Variants in VCL observed in about 807,000 individuals in gnomAD.
VCL encodes the protein vinculin.
In VCL, 47 loss-of-function variants were observed where a neutral mutation model predicts 125.7. That is an observed-to-expected ratio of 0.37 (90% CI 0.30 to 0.48). VCL has a LOEUF of 0.48. Ranked by LOEUF, VCL falls within the 20% of genes least tolerant of loss-of-function variation. The probability of loss-of-function intolerance (pLI) is 0.99; values close to 1 mark genes in which losing one functional copy is unlikely to be tolerated. For missense variants in VCL, 1,069 were observed against 1,455.5 expected, an observed-to-expected ratio of 0.73 and a Z score of 4.32; for synonymous variants, 458 against 514.6, an observed-to-expected ratio of 0.89 and a Z score of 1.49.
At position 74,119,831 on chromosome 10, in the gene VCL, T is replaced by TTAAAG. The variant is rs886047227; in HGVS notation, c.*1665_*1669dup. The TTAAAG allele has an allele frequency of 6.6e-6, 1 of 152,638 alleles. No individual in the cohort carries two copies. The highest frequency in any genetic ancestry group is 2.4e-5 in the African/African-American group (1 of 41,444). The allele number at this position is 152,638 out of a possible 1,614,324, so 9.5% of individuals were successfully genotyped here. A position where few individuals can be genotyped will look rare whatever the true frequency, so the allele number is the denominator to read the frequency against. The stretch of plus-strand genomic sequence containing the variant: ...TGATATAAATGCAATATTAATGCCT[T>TTAAAG]TAAAGTATGAATCTATGCCAAAGAT... On this transcript the variant is annotated 3_prime_UTR_variant, in exon 22 of 22. Coordinates refer to ENST00000211998, the MANE Select transcript of VCL (RefSeq NM_014000.3).
In VCL at chr10:74,112,097, C is replaced by G; in HGVS notation, c.2934C>G (p.Thr978=). The change falls in exon 19 of 22, where the codon ACC becomes ACG. Residue 978 remains threonine, a synonymous_variant. Transcript: ENST00000211998. ...CTCAGTCCTTGCATCGGGAAGCTAC[C>G]AAGTGGTCTAGTAAGGTACTGATAA... The part of the protein sequence containing the change: ...AAAQSLHREA[T]KWSSKGNDII... The G allele has an allele frequency of 6.2e-7, 1 of 1,614,212 alleles. No homozygotes were observed. Among genetic ancestry groups the G allele is most frequent in the Non-Finnish European group, 8.5e-7 (1 of 1,180,044 alleles).
rs1839931425 is a variant in VCL, at chr10:74,094,264, T to C, written c.1353-7T>C. The C allele has an allele frequency of 1.2e-6, 2 of 1,613,986 alleles. No homozygotes were observed. Among genetic ancestry groups the C allele is most frequent in the South Asian group, 2.2e-5 (2 of 91,072 alleles). The stretch of plus-strand genomic sequence containing the variant: ...GTGTGACAGGATGGCTGTCTTTTTC[T>C]CTGTAGGGGGAAAGGAGATTCTCCA... On this transcript the variant is annotated splice_polypyrimidine_tract_variant and splice_region_variant and intron_variant, in intron 10 of 21. Coordinates refer to ENST00000211998, the MANE Select transcript of VCL (RefSeq NM_014000.3).
chr10:74,050,668 A>G (rs1841282640), intron 2 of VCL, among the ~76,000 whole-genome samples: 1 of 152,110 alleles, frequency 6.6e-6, no homozygotes, highest in South Asian at 2.1e-4. Flanking sequence ...TTAACAATTA[A>G]TTACTTAATC....
In VCL at chr10:74,107,115, A is replaced by G. The variant is rs1361052448; in HGVS notation, c.2435-115A>G. 5.8e-6 allele frequency: 9 copies of G among 1,550,982 alleles called. No homozygotes were observed. In the East Asian group the frequency reaches 2.0e-4, roughly 35 times the overall value. ...CCCTTCTTCAATCACTGCCCGTGATATTTACTGGCAGCTTCACATCCAGCT... is the reference window on the plus strand; with the variant it reads ...CCCTTCTTCAATCACTGCCCGTGATGTTTACTGGCAGCTTCACATCCAGCT... On this transcript the variant is annotated intron_variant, in intron 16 of 21. Transcript: ENST00000211998.
chr10:74,095,416 C>T (rs1032905082), intron 11 of VCL, among the ~76,000 whole-genome samples: 7 of 152,050 alleles, frequency 4.6e-5, no homozygotes, highest in African/African-American at 1.7e-4. Context: ...CATAGTGAGA[C>T]CCTGTCTCTC....
At position 74,114,817 on chromosome 10, in the gene VCL, T is replaced by A; in HGVS notation, c.3176T>A (p.Ile1059Lys). The A allele has an allele frequency of 6.2e-7, 1 of 1,608,216 alleles. No homozygotes were observed. Among genetic ancestry groups the A allele is most frequent in the Non-Finnish European group, 8.5e-7 (1 of 1,178,222 alleles). The change falls in exon 21 of 22, where the codon ATA (isoleucine) becomes AAA (lysine). Residue 1059 changes from isoleucine to lysine, a missense_variant. By Grantham distance (102) the Ile-to-Lys change is moderately radical. Around this residue, in one of 6 missense-constraint regions of VCL, gnomAD observed 91 missense variants for 203.9 expected, o/e 0.45. Transcript: ENST00000211998. The part of the protein sequence containing the change: ...LLQVCERIPT[I>K]STQLKILSTV... ...TAGGTATGTGAGCGAATCCCAACCATAAGCACCCAGCTCAAAATCCTGTCC... is the reference window on the plus strand; with the variant it reads ...TAGGTATGTGAGCGAATCCCAACCAAAAGCACCCAGCTCAAAATCCTGTCC...
At chr10:74,056,471 T>G (rs988590865) in intron 2 of VCL, among the ~76,000 whole-genome samples, 1 of 152,126 alleles carries the variant, frequency 6.6e-6, no homozygotes, top group Non-Finnish European at 1.5e-5. Flanking sequence ...AGAAGTCCAC[T>G]TTGCATTATG....
intron 8 of VCL, among the ~76,000 whole-genome samples, chr10:74,087,581 C>T (rs1335988037): frequency 5.6e-5 from 8 of 142,982 alleles, no homozygotes; most frequent in African/African-American, 1.0e-4. Context: ...AGGATGGTCT[C>T]GATCTCGTGA....
chr10:73,999,553 A>C (rs1170354053), intron 1 of VCL, among the ~76,000 whole-genome samples: 1 of 152,122 alleles, frequency 6.6e-6, no homozygotes, highest in African/African-American at 2.4e-5. Flanking sequence ...TGAGCTGTGT[A>C]AATAGTGTGT....
chr10:74,059,514 C>T (rs1240685230), intron 2 of VCL, among the ~76,000 whole-genome samples: 1 of 151,786 alleles, frequency 6.6e-6, no homozygotes, highest in African/African-American at 2.4e-5. Context: ...AAGCAATTTT[C>T]CTGTCTCAGC....
chr10:74,103,167 C>T (rs867313207), intron 14 of VCL, among the ~76,000 whole-genome samples: 7 of 152,172 alleles, frequency 4.6e-5, no homozygotes, highest in East Asian at 1.9e-4. Flanking sequence ...TGCACCCGGC[C>T]GACTCCTCTG....
At chr10:74,102,373 C>G (rs1312557097) in intron 14 of VCL, among the ~76,000 whole-genome samples, 1 of 151,868 alleles carries the variant, frequency 6.6e-6, no homozygotes, top group African/African-American at 2.4e-5. Context: ...TAAAAGTTTA[C>G]TATGTGATAG....
At chr10:74,038,662 C>T (rs1841032263) in intron 1 of VCL, among the ~76,000 whole-genome samples, 1 of 152,050 alleles carries the variant, frequency 6.6e-6, no homozygotes, top group Admixed American at 6.6e-5. Context: ...TTTAATTATC[C>T]ATTTATCTTT....
At chr10:73,999,958 T>G (rs1350058860) in intron 1 of VCL, among the ~76,000 whole-genome samples, 1 of 152,204 alleles carries the variant, frequency 6.6e-6, no homozygotes, top group African/African-American at 2.4e-5. Flanking sequence ...GGAAACAATG[T>G]AAAGAGACAA....
chr10:74,042,104 TG>T (rs773602863), intron 1 of VCL, among the ~76,000 whole-genome samples: 1 of 152,232 alleles, frequency 6.6e-6, no homozygotes, highest in Non-Finnish European at 1.5e-5. Flanking sequence ...TATTTATACA[TG>T]TGGATTTTTT....
At chr10:74,111,225 C>A (rs1312670368) in intron 18 of VCL, among the ~76,000 whole-genome samples, 1 of 152,096 alleles carries the variant, frequency 6.6e-6, no homozygotes, top group Non-Finnish European at 1.5e-5. Context: ...TCTTGAGGCT[C>A]CTTACAGCTG....
At chr10:74,005,591 A>G (rs1411648366) in intron 1 of VCL, among the ~76,000 whole-genome samples, 2 of 152,126 alleles carry the variant, frequency 1.3e-5, no homozygotes, top group East Asian at 3.9e-4. Context: ...ATCATTTTTA[A>G]CATTTACTCA....
intron 18 of VCL, among the ~76,000 whole-genome samples, chr10:74,111,556 C>A (rs576921568): frequency 5.0e-4 from 76 of 152,230 alleles, no homozygotes; most frequent in African/African-American, 1.8e-3. Flanking sequence ...TTGTTTGGCT[C>A]CTCAGAAATA....
At chr10:74,043,971 C>T (rs1005624587) in intron 2 of VCL, among the ~76,000 whole-genome samples, 3 of 151,740 alleles carry the variant, frequency 2.0e-5, no homozygotes, top group African/African-American at 4.8e-5. Context: ...ATTAGCCAGG[C>T]GTGGTGGCGG....
Sources: gnomAD v4.1 joint callset for allele counts (sites outside exome capture counted in the v4.1 genomes callset) on GRCh38, gnomAD v4.1.1 for gene constraint, gnomAD v4.1.1 regional missense constraint, MANE v1.5 for transcripts, NCBI Gene and HGNC (gene_info 2026-07-23, HGNC 2026-07-21) for gene names.